Variants in ARID1A observed in about 807,000 individuals in gnomAD.
The protein encoded by ARID1A is AT-rich interaction domain 1A, also known as AT-rich interactive domain-containing protein 1A.
In ARID1A, 20 loss-of-function variants were observed where a neutral mutation model predicts 212.6. The ratio of observed to expected loss-of-function variants is 0.09; its 90% CI spans 0.07 to 0.14. The LOEUF is 0.14. Ranked by LOEUF, ARID1A falls within the 10% of genes least tolerant of loss-of-function variation. ARID1A has a pLI of 1.00. For synonymous variants in ARID1A, 1,376 were observed against 1,222.1 expected (o/e 1.13, Z -2.63); for missense variants, 2,587 against 3,059.0 (o/e 0.85, Z 3.64).
intron 1 of ARID1A, among the ~76,000 whole-genome samples, chr1:26,725,346 A>G (rs1025419818): frequency 6.6e-5 from 10 of 152,124 alleles, no homozygotes; most frequent in Admixed American, 6.5e-4. Context: ...CTGTTACGAG[A>G]GATTGGGAGA....
Position 26,742,399 on chromosome 1 carries a change from T to A in ARID1A, c.1920+9607T>A, listed in dbSNP as rs894411342. 1.1e-4 allele frequency among the ~76,000 whole-genome samples: 17 copies of A among 152,210 alleles called. 1 individual carries two copies. Among genetic ancestry groups the A allele is most frequent in the Admixed American group, 9.2e-4 (14 of 15,280 alleles). On this transcript the variant is annotated intron_variant, in intron 4 of 19. Coordinates refer to ENST00000324856, the MANE Select transcript of ARID1A (RefSeq NM_006015.6). Reference sequence around the variant, plus strand: ...GACTAGAGTTTGGTTATTTGGTTCCTGTGTGGGATGAGAGCAAGCCCTGTT... The same window carrying A: ...GACTAGAGTTTGGTTATTTGGTTCCAGTGTGGGATGAGAGCAAGCCCTGTT...
chr1:26,762,196 C>G lies in ARID1A; in HGVS notation c.2296C>G (p.Gln766Glu), dbSNP rs771230582. The change falls in exon 7 of 20, where the codon CAG (glutamine) becomes GAG (glutamate). Residue 766 changes from glutamine (Q) to glutamate (E), a missense_variant. Gln to Glu is a conservative substitution (Grantham distance 29). This residue lies in a region of ARID1A where 674 missense variants were observed against 813.4 expected (regional missense o/e 0.83). Coordinates refer to ENST00000324856, the MANE Select transcript of ARID1A (RefSeq NM_006015.6). ...CCAGATGCCCCAGTACAGTTCCCCC[C>G]AGCCCGGCTCAGCCTTATCTCCGCG... Reference protein sequence around the residue: ...NPQMPQYSSPQPGSALSPRQP... With the variant: ...NPQMPQYSSPEPGSALSPRQP... 3.1e-6 allele frequency: 5 copies of G among 1,614,164 alleles called. No homozygotes were observed. Among genetic ancestry groups the G allele is most frequent in the Non-Finnish European group, 4.2e-6 (5 of 1,180,028 alleles).
chr1:26,709,806 T>C (rs967596836), intron 1 of ARID1A, among the ~76,000 whole-genome samples: 8 of 151,324 alleles, frequency 5.3e-5, no homozygotes, highest in Non-Finnish European at 1.0e-4. Flanking sequence ...CACATGTCAC[T>C]ATGCCAGCTA....
chr1:26,699,380 G>A (rs1000153041), intron 1 of ARID1A, among the ~76,000 whole-genome samples: 1 of 152,194 alleles, frequency 6.6e-6, no homozygotes, highest in South Asian at 2.1e-4. Context: ...TTTCAAAGAG[G>A]GGGAAGCTCC....
At position 26,697,453 on chromosome 1, in the gene ARID1A, G is replaced by C. The variant is rs1316995413; in HGVS notation, c.1050G>C (p.Ser350=). 7.3e-6 allele frequency: 10 copies of C among 1,365,594 alleles called. No individual in the cohort carries two copies. The East Asian group carries it at 1.5e-4, about 21-fold the overall frequency. 84.6% of individuals were successfully genotyped at this position (1,365,594 alleles called of 1,614,324 possible). Residue 350 remains serine (S), a synonymous_variant, in exon 1 of 20, where the codon TCG becomes TCC. Coordinates refer to ENST00000324856, the MANE Select transcript of ARID1A (RefSeq NM_006015.6). ...AAAAAAAAAA[S]GGAQQRSHHA... is the part of the protein sequence containing the mutation. ...CGGCAGCTGCGGCGGCGGCCGCCTC[G>C]GGAGGGGCCCAACAAAGGAGCCACC...
intron 3 of ARID1A, among the ~76,000 whole-genome samples, chr1:26,731,915 A>C (rs965057369): frequency 6.6e-6 from 1 of 152,174 alleles, no homozygotes; most frequent in African/African-American, 2.4e-5. Flanking sequence ...TTGTAAATCA[A>C]CATCAGAACT....
chr1:26,765,953 G>C (rs1302964327), intron 8 of ARID1A: 3 of 378,262 alleles, frequency 7.9e-6, no homozygotes, highest in African/African-American at 2.0e-5. Flanking sequence ...GAGGAAGGCA[G>C]ATTGTTTGAG....
intron 1 of ARID1A, among the ~76,000 whole-genome samples, chr1:26,718,668 A>T (rs2080528173): frequency 6.6e-6 from 1 of 152,226 alleles, no homozygotes. Context: ...CGTAGATATT[A>T]TGTAAGTAGT....
intron 14 of ARID1A, 116 bp downstream of exon 14, chr1:26,773,103 T>C: frequency 7.1e-7 from 1 of 1,400,610 alleles, no homozygotes; most frequent in Admixed American, 2.4e-5. Flanking sequence ...AGATAATGCA[T>C]TTCCTGCCCT....
At chr1:26,700,663 G>A (rs2080323853) in intron 1 of ARID1A, among the ~76,000 whole-genome samples, 1 of 152,196 alleles carries the variant, frequency 6.6e-6, no homozygotes, top group Non-Finnish European at 1.5e-5. Context: ...TATTGTAGAA[G>A]TTTGGTTGTT....
chr1:26,763,398 T>A, intron 8 of ARID1A, 113 bp downstream of exon 8: 1 of 1,235,720 alleles, frequency 8.1e-7, no homozygotes, highest in Non-Finnish European at 1.1e-6. Context: ...GGTGTGTGTG[T>A]ATGAAGTGTT....
intron 1 of ARID1A, among the ~76,000 whole-genome samples, chr1:26,709,271 A>C (rs890779478): frequency 5.9e-5 from 9 of 152,148 alleles, no homozygotes; most frequent in African/African-American, 4.8e-5. Context: ...TCCCACAACT[A>C]TCTCTCCCAC....
In ARID1A at chr1:26,756,903, C is replaced by T. The variant is rs371517122; in HGVS notation, c.1921-3953C>T. 1.6e-4 allele frequency among the ~76,000 whole-genome samples: 25 copies of T among 151,910 alleles called. No individual in the cohort carries two copies. The East Asian group carries it at 3.4e-3, about 20-fold the overall frequency. ...ATTTTTAGTAAAGACGGGGTTTCAC[C>T]GTGTTAGCCAGTATGGTCTCGATTT... On this transcript the variant is annotated intron_variant, in intron 4 of 19. Transcript: ENST00000324856.
intron 1 of ARID1A, among the ~76,000 whole-genome samples, chr1:26,709,075 TC>T (rs1287938457): frequency 1.2e-4 from 19 of 152,238 alleles, no homozygotes; most frequent in East Asian, 1.2e-3. Flanking sequence ...AGCAGAGTCA[TC>T]TCTAAAACCT....
At position 26,763,654 on chromosome 1, in the gene ARID1A, C is replaced by T. The variant is rs922784942; in HGVS notation, c.2732+369C>T. 5.9e-5 allele frequency among the ~76,000 whole-genome samples: 9 copies of T among 152,160 alleles called. No homozygotes were observed. In the South Asian group the frequency reaches 8.3e-4, roughly 14 times the overall value. On this transcript the variant is annotated intron_variant, in intron 8 of 19. Transcript: ENST00000324856. ...GTGTGGTGGCGCACGCCTGTAATCC[C>T]GGCTATCGGGAGGCTGAGGCAGGAG...
Position 26,696,903 on chromosome 1 carries a change from C to T in ARID1A, c.500C>T (p.Ala167Val), listed in dbSNP as rs1327610437. Residue 167 changes from alanine (A) to valine (V), a missense_variant, in exon 1 of 20, where the codon GCC becomes GTC. Around this residue, in one of 11 missense-constraint regions of ARID1A, gnomAD observed 735 missense variants for 590.6 expected, o/e 1.24. Transcript: ENST00000324856. ...SPSAVAAAAA[A>V]VFHQQHGGQQ... is the part of the protein sequence containing the mutation. ...TCTGCCGTCGCCGCCGCCGCGGCCGCCGTCTTCCACCAACAACATGGCGGA... is the reference window on the plus strand; with the variant it reads ...TCTGCCGTCGCCGCCGCCGCGGCCGTCGTCTTCCACCAACAACATGGCGGA... 4.3e-6 allele frequency: 6 copies of T among 1,383,218 alleles called. No individual in the cohort carries two copies. The African/African-American group carries it at 4.5e-5, about 10-fold the overall frequency. The allele number at this position is 1,383,218 out of a possible 1,614,324, so 85.7% of individuals were successfully genotyped here.
chr1:26,726,314 T>C (rs531178343), intron 1 of ARID1A, among the ~76,000 whole-genome samples: 7 of 152,004 alleles, frequency 4.6e-5, no homozygotes, highest in East Asian at 3.9e-4. Flanking sequence ...CTGGGACTTA[T>C]AGGCATGTGC....
intron 1 of ARID1A, among the ~76,000 whole-genome samples, chr1:26,714,448 C>A (rs766295125): frequency 1.1e-4 from 16 of 151,952 alleles, no homozygotes; most frequent in Admixed American, 9.2e-4. Context: ...GAATCTCGTT[C>A]GGTTGCCCAG....
At position 26,696,606 on chromosome 1, in the gene ARID1A, C is replaced by T. The variant is rs2124740723; in HGVS notation, c.203C>T (p.Pro68Leu). 2 of 1,236,046 alleles carry T rather than the reference C, an allele frequency of 1.6e-6. No individual in the cohort carries two copies. The highest frequency in any genetic ancestry group is 1.0e-6 in the Non-Finnish European group (1 of 991,540). 76.6% of individuals were successfully genotyped at this position (1,236,046 alleles called of 1,614,324 possible). The change falls in exon 1 of 20, where the codon CCG (proline) becomes CTG (leucine). Residue 68 changes from proline (P) to leucine (L), a missense_variant. By Grantham distance (98) the Pro-to-Leu change is moderately conservative. Coordinates refer to ENST00000324856, the MANE Select transcript of ARID1A (RefSeq NM_006015.6). ...GGCCCCGCCGTGGGGCCGCCGCAGC[C>T]GCTGGGAAAGGAGCTGCAGGACGGG... Reference protein sequence around the residue: ...SEGPAVGPPQPLGKELQDGAE... With the variant: ...SEGPAVGPPQLLGKELQDGAE...
Sources: allele counts gnomAD v4.1 joint callset (sites outside exome capture counted in the v4.1 genomes callset), GRCh38; gene constraint gnomAD v4.1.1; regional missense constraint gnomAD v4.1.1; transcripts MANE v1.5; gene names NCBI Gene and HGNC (gene_info 2026-07-23, HGNC 2026-07-21).